Variants in CTNNA2 observed in about 807,000 individuals in gnomAD.
CTNNA2 encodes catenin alpha 2, also known as catenin alpha-2.
A neutral mutation model predicts 101.0 loss-of-function variants in CTNNA2; 42 were observed. That is an observed-to-expected ratio of 0.42 (90% CI 0.32 to 0.54). The LOEUF is 0.54. Ranked by LOEUF, CTNNA2 falls within the 20% of genes least tolerant of loss-of-function variation. CTNNA2 has a pLI of 0.14. For missense variants in CTNNA2, 871 were observed against 1,223.1 expected (o/e 0.71, Z 4.29); for synonymous variants, 450 against 456.4 (o/e 0.99, Z 0.18).
At chr2:79,550,188 A>C (rs2104045720) in intron 1 of CTNNA2, among the ~76,000 whole-genome samples, 1 of 152,232 alleles carries the variant, frequency 6.6e-6, no homozygotes, top group East Asian at 1.9e-4. Context: ...CCCTTTCTGC[A>C]CTCTGGTTAC....
At chr2:80,372,435 A>T (rs1675528834) in intron 7 of CTNNA2, among the ~76,000 whole-genome samples, 1 of 151,500 alleles carries the variant, frequency 6.6e-6, no homozygotes. Flanking sequence ...CTTTCTTAAA[A>T]TTTCTCTGTC....
intron 1 of CTNNA2, among the ~76,000 whole-genome samples, chr2:79,541,776 G>A (rs577971274): frequency 5.9e-4 from 90 of 151,758 alleles, no homozygotes; most frequent in African/African-American, 2.0e-3. Context: ...ACAGGTGTGC[G>A]CCACCACGCC....
chr2:80,478,427 C>T (rs1685895220), intron 9 of CTNNA2, among the ~76,000 whole-genome samples: 1 of 151,980 alleles, frequency 6.6e-6, no homozygotes, highest in Admixed American at 6.6e-5. Flanking sequence ...GTTTTTGTTA[C>T]ATTTTCTTTT....
chr2:79,750,356 C>G (rs936154226), intron 3 of CTNNA2, among the ~76,000 whole-genome samples: 1 of 152,198 alleles, frequency 6.6e-6, no homozygotes, highest in Non-Finnish European at 1.5e-5. Context: ...ATCAGAATCT[C>G]TGCAGTTGGA....
At chr2:80,239,544 A>G (rs542576109) in intron 7 of CTNNA2, among the ~76,000 whole-genome samples, 126 of 152,222 alleles carry the variant, frequency 8.3e-4, no homozygotes, top group African/African-American at 2.9e-3. Flanking sequence ...ATTTTTTTCT[A>G]TACATACCTA....
intron 7 of CTNNA2, among the ~76,000 whole-genome samples, chr2:80,170,219 CTCTCTCTCTCTCTG>C (rs1704962891): frequency 1.3e-5 from 2 of 151,010 alleles, no homozygotes; most frequent in South Asian, 2.1e-4. Context: ...ATCTCTCTCT[CTCTCTCTCTCTCTG>C]TGTGTGTGTG....
chr2:79,864,300 T>G (rs12998797), intron 4 of CTNNA2, among the ~76,000 whole-genome samples: 1 of 151,702 alleles, frequency 6.6e-6, no homozygotes, highest in Non-Finnish European at 1.5e-5. Context: ...AACAAAGGCA[T>G]GAGATTAAGA....
intron 8 of CTNNA2, among the ~76,000 whole-genome samples, chr2:80,403,990 G>A (rs1385334158): frequency 6.6e-6 from 1 of 152,184 alleles, no homozygotes; most frequent in African/African-American, 2.4e-5. Context: ...ACTTTTTAAT[G>A]TGCTACTGTG....
intron 9 of CTNNA2, among the ~76,000 whole-genome samples, chr2:80,529,998 G>T (rs150261620): frequency 1.3e-5 from 2 of 152,200 alleles, no homozygotes; most frequent in African/African-American, 4.8e-5. Context: ...TTCTGAAAGT[G>T]CAGCTGCGCC....
chr2:79,672,538 G>A (rs568927464), intron 2 of CTNNA2, among the ~76,000 whole-genome samples: 11 of 151,874 alleles, frequency 7.2e-5, no homozygotes, highest in Non-Finnish European at 1.3e-4. Flanking sequence ...AGTCAACATT[G>A]CAATTATCCT....
intron 1 of CTNNA2, among the ~76,000 whole-genome samples, chr2:79,514,306 A>T (rs1461575073): frequency 1.3e-5 from 2 of 152,208 alleles, no homozygotes; most frequent in Non-Finnish European, 2.9e-5. Context: ...TAAATATACC[A>T]TTTAGATGGC....
At chr2:79,287,612 T>C (rs906590126) in intron 2 of CTNNA2, among the ~76,000 whole-genome samples, 3 of 151,138 alleles carry the variant, frequency 2.0e-5, no homozygotes, top group Non-Finnish European at 2.9e-5. Context: ...CATTCTCAGA[T>C]CTCCTGCTGC....
intron 7 of CTNNA2, among the ~76,000 whole-genome samples, chr2:79,998,887 T>A (rs941253891): frequency 6.6e-6 from 1 of 152,156 alleles, no homozygotes; most frequent in African/African-American, 2.4e-5. Context: ...CAAAATGGGC[T>A]TTTTAAAAAC....
At chr2:80,337,375 A>C (rs1227281128) in intron 7 of CTNNA2, among the ~76,000 whole-genome samples, 1 of 151,838 alleles carries the variant, frequency 6.6e-6, no homozygotes, top group Non-Finnish European at 1.5e-5. Context: ...CAACCAAACA[A>C]ACAAAAAAGT....
rs148297315 is a variant in CTNNA2 at position 79,318,963 on chromosome 2, A to G, written c.-318+6167A>G. ...TATCAACTGACTACTACTGAAATACAGAGCTAATAGTCACTTAGAAATTAG... is the reference window on the plus strand; with the variant it reads ...TATCAACTGACTACTACTGAAATACGGAGCTAATAGTCACTTAGAAATTAG... On this transcript the variant is annotated intron_variant, in intron 3 of 21. Transcript: ENST00000466387. 1.8e-3 allele frequency among the ~76,000 whole-genome samples: 268 copies of G among 152,320 alleles called. 2 individuals carry two copies. The highest frequency in any genetic ancestry group is 9.4e-4 in the Non-Finnish European group (64 of 68,032).
chr2:80,427,280 T>C (rs923501917), intron 9 of CTNNA2, among the ~76,000 whole-genome samples: 1 of 152,206 alleles, frequency 6.6e-6, no homozygotes, highest in African/African-American at 2.4e-5. Flanking sequence ...AATTGTCTAA[T>C]TTATTACCAA....
In CTNNA2 at chr2:79,481,319, T is replaced by A. The variant is rs193149323; in HGVS notation, c.-134-23735T>A. Among the ~76,000 whole-genome samples, 659 of 152,268 alleles carry A rather than the reference T, an allele frequency of 4.3e-3. 4 individuals are homozygous for A. The highest frequency in any genetic ancestry group is 0.015 in the African/African-American group (612 of 41,558). ...TTTTAATGAAAAGACAACAAAAAGATGCTCTGTTTCTCCTTTTCCTAGCCT... is the reference window on the plus strand; with the variant it reads ...TTTTAATGAAAAGACAACAAAAAGAAGCTCTGTTTCTCCTTTTCCTAGCCT... On this transcript the variant is annotated intron_variant, in intron 4 of 21. Transcript: ENST00000466387.
chr2:79,424,507 G>A (rs10865443), intron 4 of CTNNA2, among the ~76,000 whole-genome samples: 76,179 of 151,788 alleles, frequency 0.5, 19,195 homozygotes, highest in Middle Eastern at 0.66. Context: ...CACACCGTTA[G>A]TGGTTAATAA....
intron 2 of CTNNA2, among the ~76,000 whole-genome samples, chr2:79,666,326 G>A (rs1292037749): frequency 6.6e-6 from 1 of 152,084 alleles, no homozygotes; most frequent in East Asian, 1.9e-4. Flanking sequence ...AGACCACTTT[G>A]GTAGATTAAT....
Sources: gnomAD v4.1 joint callset for allele counts (sites outside exome capture counted in the v4.1 genomes callset) on GRCh38, gnomAD v4.1.1 for gene constraint, MANE v1.5 for transcripts, NCBI Gene and HGNC (gene_info 2026-07-23, HGNC 2026-07-21) for gene names.